Variants in TMEM51 observed in about 807,000 individuals in gnomAD.
The protein encoded by TMEM51 is transmembrane protein 51, also known as chromosome 1 open reading frame 72.
In TMEM51, 8 loss-of-function variants were observed where a neutral mutation model predicts 13.6. That is an observed-to-expected ratio of 0.59 (90% confidence interval 0.35 to 1.07). TMEM51 has a LOEUF of 1.07. Among genes scored for constraint, TMEM51 ranks in the 50% least tolerant of loss-of-function variants. The pLI, the probability that TMEM51 is intolerant of heterozygous loss-of-function variation, is 0.02. For synonymous variants in TMEM51, 147 were observed against 144.4 expected (o/e 1.02, Z -0.13); for missense variants, 279 against 330.7 (o/e 0.84, Z 1.21).
At chr1:15,163,604 A>G (rs1341795908) in intron 1 of TMEM51, among the ~76,000 whole-genome samples, 1 of 137,974 alleles carries the variant, frequency 7.2e-6, no homozygotes, top group Non-Finnish European at 1.7e-5. Flanking sequence ...ACAGTTAATG[A>G]GTATAAGGAG....
intron 1 of TMEM51, among the ~76,000 whole-genome samples, chr1:15,166,690 G>A (rs774927551): frequency 6.6e-6 from 1 of 152,182 alleles, no homozygotes; most frequent in Non-Finnish European, 1.5e-5. Flanking sequence ...CTACACTCTA[G>A]TCTGGATGAC....
At chr1:15,164,466 A>G (rs11582684) in intron 1 of TMEM51, 94,835 of 455,836 alleles carry the variant, frequency 0.21, 10,457 homozygotes, top group East Asian at 0.31. Flanking sequence ...AGAATCCTAC[A>G]AAGGTGAAGT....
chr1:15,187,198 C>G (rs1643806098), intron 1 of TMEM51, among the ~76,000 whole-genome samples: 1 of 148,138 alleles, frequency 6.8e-6, no homozygotes, highest in Non-Finnish European at 1.5e-5. Context: ...CAACCCCCAT[C>G]CACCCCTCCC....
At chr1:15,186,165 C>T (rs553802886) in intron 1 of TMEM51, among the ~76,000 whole-genome samples, 7 of 152,202 alleles carry the variant, frequency 4.6e-5, no homozygotes, top group East Asian at 1.9e-4. Context: ...CTTGTTTTCC[C>T]AAACCCCTCA....
chr1:15,172,984 C>T (rs973739671), intron 1 of TMEM51, among the ~76,000 whole-genome samples: 6 of 152,092 alleles, frequency 3.9e-5, no homozygotes, highest in African/African-American at 1.4e-4. Flanking sequence ...GGTCTTGGAA[C>T]GTATCCCCCG....
intron 1 of TMEM51, among the ~76,000 whole-genome samples, chr1:15,162,368 G>A (rs1435174444): frequency 6.6e-6 from 1 of 151,970 alleles, no homozygotes; most frequent in Non-Finnish European, 1.5e-5. Context: ...TCACCATGTT[G>A]GCCAAGCTGG....
intron 1 of TMEM51, among the ~76,000 whole-genome samples, chr1:15,202,913 C>T (rs916052883): frequency 6.6e-6 from 1 of 152,214 alleles, no homozygotes; most frequent in Non-Finnish European, 1.5e-5. Context: ...CTGCCCCTAA[C>T]TTGAATGGCC....
intron 1 of TMEM51, among the ~76,000 whole-genome samples, chr1:15,157,143 A>C (rs1262261254): frequency 1.3e-5 from 2 of 152,294 alleles, no homozygotes; most frequent in Middle Eastern, 3.4e-3. Context: ...CCTCCCAGAC[A>C]GCCCCAAGAT....
chr1:15,192,661 C>T (rs1012269061), intron 1 of TMEM51: 1 of 170,446 alleles, frequency 5.9e-6, no homozygotes, highest in Non-Finnish European at 1.2e-5. Flanking sequence ...CCATCGTGGT[C>T]AGGCTGGTCT....
intron 1 of TMEM51, among the ~76,000 whole-genome samples, chr1:15,198,570 A>G (rs1644094834): frequency 6.6e-6 from 1 of 152,000 alleles, no homozygotes; most frequent in Admixed American, 6.6e-5. Context: ...GGTGTCCGCC[A>G]CCACGCCTGG....
In TMEM51 at chr1:15,219,833, C is replaced by T. The variant is rs149377437; in HGVS notation, c.*90C>T. 4,339 of 1,444,038 alleles carry T rather than the reference C, an allele frequency of 3.0e-3. 51 individuals carry two copies. In the African/African-American group the frequency reaches 0.034, roughly 11 times the overall value. 89.5% of individuals were successfully genotyped at this position (1,444,038 alleles called of 1,614,324 possible). ...AGCCACATGAGCCACAGTTGAGAAGCGGAGGGGCCAGCTGTGCATGGAGCC... is the reference window on the plus strand; with the variant it reads ...AGCCACATGAGCCACAGTTGAGAAGTGGAGGGGCCAGCTGTGCATGGAGCC... On this transcript the variant is annotated 3_prime_UTR_variant, in exon 4 of 4. Coordinates refer to ENST00000376008, the MANE Select transcript of TMEM51 (RefSeq NM_001136218.2).
chr1:15,168,700 C>G, intron 1 of TMEM51: 1 of 1,304,412 alleles, frequency 7.7e-7, no homozygotes, highest in South Asian at 1.2e-5. Context: ...CGTACTGTCT[C>G]TCCCAGGGTG....
At chr1:15,205,062 T>TA (rs1483858679) in intron 1 of TMEM51, among the ~76,000 whole-genome samples, 2 of 152,024 alleles carry the variant, frequency 1.3e-5, no homozygotes, top group African/African-American at 4.8e-5. Context: ...TCCCAAGAAA[T>TA]ACTGAATGTG....
chr1:15,207,859 T>C lies in TMEM51; in HGVS notation c.-266-2631T>C, dbSNP rs1197252660. The stretch of plus-strand genomic sequence containing the variant: ...TTCCTCATGTTGCCGGCAAATTATT[T>C]GCATACGGATACAAGATTTGGGTAT... On this transcript the variant is annotated intron_variant, in intron 1 of 3. Transcript: ENST00000376008. The surrounding 1 kb of genome is among the most constrained non-coding windows in gnomAD (Gnocchi z 4.6). Among the ~76,000 whole-genome samples, 3 of 152,244 alleles carry C rather than the reference T, an allele frequency of 2.0e-5. No homozygotes were observed. Among genetic ancestry groups the C allele is most frequent in the African/African-American group, 7.2e-5 (3 of 41,454 alleles).
intron 1 of TMEM51, among the ~76,000 whole-genome samples, chr1:15,185,347 G>A (rs1360243656): frequency 6.6e-6 from 1 of 152,070 alleles, no homozygotes; most frequent in Non-Finnish European, 1.5e-5. Flanking sequence ...CTATCCTTGT[G>A]ACCTAGGCAG....
chr1:15,182,161 CAAAT>C (rs56106721), intron 1 of TMEM51, among the ~76,000 whole-genome samples: 44,970 of 139,184 alleles, frequency 0.32, 7,321 homozygotes, highest in South Asian at 0.45. Flanking sequence ...AACTCCATCT[CAAAT>C]AAATAAATAA....
intron 1 of TMEM51, among the ~76,000 whole-genome samples, chr1:15,197,726 CAGT>C (rs1644076937): frequency 6.6e-6 from 1 of 152,114 alleles, no homozygotes; most frequent in African/African-American, 2.4e-5. Context: ...CCGAGGCTCT[CAGT>C]GGTGGAAGGA....
At chr1:15,204,360 C>T (rs1644211739) in intron 1 of TMEM51, among the ~76,000 whole-genome samples, 1 of 152,210 alleles carries the variant, frequency 6.6e-6, no homozygotes, top group Admixed American at 6.5e-5. Context: ...TTAAGACTAG[C>T]CTGGCCAGCG....
intron 1 of TMEM51, among the ~76,000 whole-genome samples, chr1:15,190,996 C>A (rs1245164605): frequency 1.3e-5 from 2 of 152,142 alleles, no homozygotes; most frequent in Non-Finnish European, 2.9e-5. Context: ...ACCGTGCTAG[C>A]CAGGATGGTC....
Sources: allele counts gnomAD v4.1 joint callset (sites outside exome capture counted in the v4.1 genomes callset), GRCh38; gene constraint gnomAD v4.1.1; non-coding constraint Gnocchi (gnomAD v3.1); transcripts MANE v1.5; gene names NCBI Gene and HGNC (gene_info 2026-07-23, HGNC 2026-07-21).